FNIP2: variants seen among roughly 807,000 people sequenced by gnomAD.
FNIP2 encodes folliculin-interacting protein 2.
In FNIP2, 32 loss-of-function variants were observed where a neutral mutation model predicts 108.7. That is an observed-to-expected ratio of 0.29 (90% confidence interval 0.22 to 0.40). FNIP2 has a LOEUF of 0.40. Among genes scored for constraint, FNIP2 ranks in the 10% least tolerant of loss-of-function variants. The probability of loss-of-function intolerance (pLI) is 1.00; values close to 1 mark genes in which losing one functional copy is unlikely to be tolerated. For synonymous variants in FNIP2, 480 were observed against 496.7 expected, an observed-to-expected ratio of 0.97 and a Z score of 0.45; for missense variants, 1,202 against 1,381.6, an observed-to-expected ratio of 0.87 and a Z score of 2.06.
chr4:158,865,848 G>A (rs1342681805), intron 12 of FNIP2, among the ~76,000 whole-genome samples: 3 of 152,006 alleles, frequency 2.0e-5, no homozygotes, highest in Non-Finnish European at 2.9e-5. Flanking sequence ...ACTTGCAAAC[G>A]CCTCTCAGTT....
chr4:158,845,074 T>G (rs1027286449), intron 7 of FNIP2, among the ~76,000 whole-genome samples: 1 of 152,258 alleles, frequency 6.6e-6, no homozygotes, highest in African/African-American at 2.4e-5. Flanking sequence ...TTTAATTTTC[T>G]TCTTAATGCA....
chr4:158,780,490 C>T (rs956348875), intron 1 of FNIP2, among the ~76,000 whole-genome samples: 2 of 152,170 alleles, frequency 1.3e-5, no homozygotes, highest in Non-Finnish European at 2.9e-5. Flanking sequence ...TCATTTCACG[C>T]ATGTCTCATA....
intron 8 of FNIP2, 35 bp downstream of exon 8, chr4:158,851,485 G>A (rs959096733): frequency 2.4e-5 from 39 of 1,613,198 alleles, no homozygotes; most frequent in Non-Finnish European, 3.3e-5. Context: ...GAGAAAAGTA[G>A]GAGTGTAGGC....
In FNIP2 at chr4:158,829,113, A is replaced by G; in HGVS notation, c.269A>G (p.Lys90Arg). 1.2e-6 allele frequency: 2 copies of G among 1,612,120 alleles called. No individual in the cohort carries two copies. Among genetic ancestry groups the G allele is most frequent in the Non-Finnish European group, 1.7e-6 (2 of 1,179,112 alleles). Residue 90 changes from lysine (K) to arginine (R), a missense_variant, in exon 3 of 17, where the codon AAG becomes AGG. Transcript: ENST00000264433. ...TEDVPIKISA[K>R]CCQGSSSVSS... ...GATGTTCCTATTAAAATATCAGCCA[A>G]GTGCTGCCAGGGAAGCAGCAGTGTC... is the stretch of plus-strand genomic sequence containing the variant.
At chr4:158,851,923 A>G (rs530210398) in intron 8 of FNIP2, among the ~76,000 whole-genome samples, 2 of 152,230 alleles carry the variant, frequency 1.3e-5, no homozygotes, top group Admixed American at 6.5e-5. Flanking sequence ...GATGGCATCT[A>G]GGTATTTTCT....
At chr4:158,892,660 A>G (rs1782358801) in intron 15 of FNIP2, among the ~76,000 whole-genome samples, 1 of 152,154 alleles carries the variant, frequency 6.6e-6, no homozygotes, top group African/African-American at 2.4e-5. Context: ...GGCATATGGC[A>G]TATAGCTGGG....
chr4:158,857,991 A>G (rs1340834671), intron 8 of FNIP2, among the ~76,000 whole-genome samples: 1 of 152,076 alleles, frequency 6.6e-6, no homozygotes, highest in Admixed American at 6.5e-5. Flanking sequence ...TGACCATAAC[A>G]CTTTTGGCAT....
At chr4:158,878,107 G>T (rs1781385961) in intron 14 of FNIP2, among the ~76,000 whole-genome samples, 1 of 152,002 alleles carries the variant, frequency 6.6e-6, no homozygotes, top group Admixed American at 6.5e-5. Context: ...TATAATTCCT[G>T]TCATGAAAAA....
At chr4:158,807,744 G>A (rs1777047810) in intron 1 of FNIP2, among the ~76,000 whole-genome samples, 2 of 152,114 alleles carry the variant, frequency 1.3e-5, no homozygotes, top group South Asian at 4.1e-4. Flanking sequence ...TTAATAAAAT[G>A]GGATGTAGTC....
chr4:158,806,135 GAACTGC>G, intron 1 of FNIP2: 1 of 1,208,498 alleles, frequency 8.3e-7, no homozygotes, highest in Non-Finnish European at 1.1e-6. Context: ...TGATTGTTTA[GAACTGC>G]TGGTCATTAC....
intron 1 of FNIP2, among the ~76,000 whole-genome samples, chr4:158,806,646 T>C (rs1234664860): frequency 6.6e-6 from 1 of 152,188 alleles, no homozygotes; most frequent in Non-Finnish European, 1.5e-5. Flanking sequence ...TCACTACCCA[T>C]CTGTTTTCTT....
chr4:158,844,765 A>G (rs1033366074), intron 7 of FNIP2, among the ~76,000 whole-genome samples: 3 of 152,254 alleles, frequency 2.0e-5, no homozygotes, highest in Non-Finnish European at 4.4e-5. Flanking sequence ...TCTTTCATCA[A>G]ATAATCACTA....
At chr4:158,777,909 C>A (rs1465846793) in intron 1 of FNIP2, among the ~76,000 whole-genome samples, 2 of 152,136 alleles carry the variant, frequency 1.3e-5, no homozygotes, top group East Asian at 3.8e-4. Context: ...ATCCCCCTTC[C>A]CAAAGGCTAC....
At chr4:158,820,389 C>T (rs1244646034) in intron 1 of FNIP2, among the ~76,000 whole-genome samples, 1 of 152,206 alleles carries the variant, frequency 6.6e-6, no homozygotes, top group Non-Finnish European at 1.5e-5. Context: ...GCAAATCACC[C>T]TGCAACATGT....
chr4:158,812,136 C>T (rs1383265030), intron 1 of FNIP2, among the ~76,000 whole-genome samples: 1 of 152,144 alleles, frequency 6.6e-6, no homozygotes, highest in African/African-American at 2.4e-5. Flanking sequence ...TAATATCTTT[C>T]CCACTGGACC....
chr4:158,841,134 C>T (rs1191006299), intron 7 of FNIP2, among the ~76,000 whole-genome samples: 2 of 152,072 alleles, frequency 1.3e-5, no homozygotes, highest in Non-Finnish European at 2.9e-5. Context: ...GTTTATTACT[C>T]ACATAATGAG....
At chr4:158,771,451 C>T (rs772610278) in intron 1 of FNIP2, among the ~76,000 whole-genome samples, 8 of 152,190 alleles carry the variant, frequency 5.3e-5, no homozygotes, top group African/African-American at 1.2e-4. Flanking sequence ...AATTGTGAAC[C>T]TGTGTTTCAT....
intron 1 of FNIP2, among the ~76,000 whole-genome samples, chr4:158,818,191 C>T (rs896162960): frequency 2.0e-5 from 3 of 152,178 alleles, no homozygotes; most frequent in East Asian, 1.9e-4. Flanking sequence ...TTGTCACTGC[C>T]GTGTGAACAC....
intron 1 of FNIP2, among the ~76,000 whole-genome samples, chr4:158,819,147 A>G (rs1578861086): frequency 6.6e-6 from 1 of 152,190 alleles, no homozygotes; most frequent in East Asian, 1.9e-4. Context: ...TGTTCCTGGT[A>G]CCTTTCATGG....
Sources: allele counts gnomAD v4.1 joint callset (sites outside exome capture counted in the v4.1 genomes callset), GRCh38; gene constraint gnomAD v4.1.1; transcripts MANE v1.5; gene names NCBI Gene and HGNC (gene_info 2026-07-23, HGNC 2026-07-21).